The following ADGRL2 variants were observed in gnomAD, a reference collection of about 807,000 sequenced individuals.
ADGRL2 encodes adhesion G protein-coupled receptor L2.
ADGRL2 carries 44 observed loss-of-function variants against 157.4 expected under a neutral mutation model. The observed-to-expected ratio is 0.28, with a 90% CI of 0.22 to 0.36. The LOEUF (loss-of-function observed/expected upper bound fraction) is 0.36, where lower values mean the gene tolerates loss of function less well. Ranked by LOEUF, ADGRL2 falls within the 10% of genes least tolerant of loss-of-function variation. The probability of loss-of-function intolerance (pLI) is 1.00; values close to 1 mark genes in which losing one functional copy is unlikely to be tolerated. For missense variants in ADGRL2, 1,510 were observed against 1,768.9 expected (o/e 0.85, Z 2.63); for synonymous variants, 585 against 624.7 (o/e 0.94, Z 0.95).
intron 1 of ADGRL2, among the ~76,000 whole-genome samples, chr1:81,835,468 C>G (rs960946753): frequency 6.6e-6 from 1 of 152,102 alleles, no homozygotes; most frequent in South Asian, 2.1e-4. Context: ...CAGTTGTAAA[C>G]TGCAGGTTCA....
chr1:81,410,122 A>G (rs1057304835), intron 1 of ADGRL2, among the ~76,000 whole-genome samples: 1 of 152,210 alleles, frequency 6.6e-6, no homozygotes, highest in African/African-American at 2.4e-5. Flanking sequence ...TTCTATTATT[A>G]TGACATCTAG....
At chr1:81,939,499 A>G (rs1026913691) in intron 4 of ADGRL2, among the ~76,000 whole-genome samples, 8 of 151,536 alleles carry the variant, frequency 5.3e-5, no homozygotes, top group Admixed American at 4.6e-4. Flanking sequence ...AAAAATAGCC[A>G]TTATTGATTA....
intron 3 of ADGRL2, among the ~76,000 whole-genome samples, chr1:81,667,645 A>G (rs974166706): frequency 6.6e-6 from 1 of 152,188 alleles, no homozygotes; most frequent in African/African-American, 2.4e-5. Flanking sequence ...ACACCATTTG[A>G]AAAATTAAAA....
intron 2 of ADGRL2, among the ~76,000 whole-genome samples, chr1:81,866,519 C>A (rs113858995): frequency 6.6e-6 from 1 of 151,984 alleles, no homozygotes; most frequent in African/African-American, 2.4e-5. Flanking sequence ...ATTCTGGCAT[C>A]CTTTTAAGTA....
At chr1:81,772,204 C>A (rs1037213207) in intron 2 of ADGRL2, among the ~76,000 whole-genome samples, 2 of 144,660 alleles carry the variant, frequency 1.4e-5, no homozygotes, top group East Asian at 2.1e-4. Flanking sequence ...GAGCCGAGAT[C>A]GTGCCACTGC....
intron 1 of ADGRL2, among the ~76,000 whole-genome samples, chr1:81,368,161 C>T (rs1338931818): frequency 6.6e-6 from 1 of 152,178 alleles, no homozygotes; most frequent in Non-Finnish European, 1.5e-5. Context: ...TAAAAGTGTT[C>T]CTTTTCCTCC....
intron 21 of ADGRL2, among the ~76,000 whole-genome samples, chr1:81,986,594 A>G (rs540215299): frequency 3.1e-4 from 47 of 152,182 alleles, no homozygotes; most frequent in African/African-American, 1.1e-3. Context: ...GTTGATCTCT[A>G]TGCATTTAAT....
At chr1:81,542,287 G>A (rs1557443649) in intron 2 of ADGRL2, among the ~76,000 whole-genome samples, 1 of 152,160 alleles carries the variant, frequency 6.6e-6, no homozygotes, top group Non-Finnish European at 1.5e-5. Context: ...GTAAAAGGAT[G>A]CCAGAGGCCT....
At chr1:81,398,969 A>G (rs1348651544) in intron 1 of ADGRL2, among the ~76,000 whole-genome samples, 1 of 152,188 alleles carries the variant, frequency 6.6e-6, no homozygotes, top group Non-Finnish European at 1.5e-5. Flanking sequence ...TCACACTACT[A>G]TCAGGAACTA....
At chr1:81,544,772 T>C (rs962818542) in intron 2 of ADGRL2, among the ~76,000 whole-genome samples, 1 of 152,176 alleles carries the variant, frequency 6.6e-6, no homozygotes, top group Non-Finnish European at 1.5e-5. Flanking sequence ...TGGTAAACAA[T>C]AGTGAGCCAC....
chr1:81,608,766 C>T (rs1401655827), intron 3 of ADGRL2, among the ~76,000 whole-genome samples: 2 of 152,204 alleles, frequency 1.3e-5, no homozygotes, highest in Non-Finnish European at 1.5e-5. Flanking sequence ...GACTTTCCTT[C>T]TATGCACCCA....
intron 1 of ADGRL2, chr1:81,426,436 A>T (rs1024290844): frequency 8.0e-6 from 3 of 372,676 alleles, no homozygotes; most frequent in Non-Finnish European, 1.6e-5. Context: ...TCGAGTCGGA[A>T]GAGGTGAGTC....
At chr1:81,398,439 G>T (rs1243784866) in intron 1 of ADGRL2, among the ~76,000 whole-genome samples, 6 of 151,974 alleles carry the variant, frequency 3.9e-5, no homozygotes, top group Admixed American at 6.5e-5. Context: ...GAAAGTATTT[G>T]ATTCTTTTCT....
intron 1 of ADGRL2, among the ~76,000 whole-genome samples, chr1:81,387,008 A>G (rs1360921044): frequency 6.6e-6 from 1 of 152,166 alleles, no homozygotes; most frequent in Non-Finnish European, 1.5e-5. Flanking sequence ...CAAATATTAG[A>G]CAATCATGGC....
intron 1 of ADGRL2, among the ~76,000 whole-genome samples, chr1:81,803,082 T>C (rs1437774837): frequency 6.6e-6 from 1 of 151,908 alleles, no homozygotes; most frequent in Non-Finnish European, 1.5e-5. Flanking sequence ...TTACGGAGTG[T>C]ATGCTGCTGG....
chr1:81,897,918 T>G (rs1442709094), intron 2 of ADGRL2, among the ~76,000 whole-genome samples: 1 of 152,182 alleles, frequency 6.6e-6, no homozygotes, highest in African/African-American at 2.4e-5. Context: ...CTTCATTATT[T>G]AAAATATTTC....
intron 6 of ADGRL2, among the ~76,000 whole-genome samples, chr1:81,947,527 G>GTACC (rs1461960883): frequency 6.6e-6 from 1 of 152,074 alleles, no homozygotes; most frequent in Non-Finnish European, 1.5e-5. Context: ...GATAATTATA[G>GTACC]TACCTACTTC....
intron 3 of ADGRL2, among the ~76,000 whole-genome samples, chr1:81,670,112 A>G (rs1303233429): frequency 6.6e-6 from 1 of 152,176 alleles, no homozygotes; most frequent in African/African-American, 2.4e-5. Context: ...TCTTTCAAGT[A>G]GTTGAGATGG....
chr1:81,741,272 AT>A (rs1024869752), intron 1 of ADGRL2, among the ~76,000 whole-genome samples: 88 of 152,240 alleles, frequency 5.8e-4, no homozygotes, highest in African/African-American at 2.1e-3. Context: ...AACTTAAAAA[AT>A]AATTTTATGA....
Sources: allele counts gnomAD v4.1 joint callset (sites outside exome capture counted in the v4.1 genomes callset), GRCh38; gene constraint gnomAD v4.1.1; transcripts MANE v1.5; gene names NCBI Gene and HGNC (gene_info 2026-07-23, HGNC 2026-07-21).